The following ABHD2 variants were observed in gnomAD, a reference collection of about 807,000 sequenced individuals.
The protein encoded by ABHD2 is abhydrolase domain containing 2, acylglycerol lipase, also known as monoacylglycerol lipase ABHD2.
A neutral mutation model predicts 48.1 loss-of-function variants in ABHD2; 20 were observed. The ratio of observed to expected loss-of-function variants is 0.42; its 90% CI spans 0.29 to 0.60. The LOEUF (loss-of-function observed/expected upper bound fraction) is 0.60. ABHD2 is among the 20% of genes least tolerant of loss of function. The pLI, the probability that ABHD2 is intolerant of heterozygous loss-of-function variation, is 0.24. For missense variants in ABHD2, 405 were observed against 550.9 expected, an observed-to-expected ratio of 0.74 and a Z score of 2.65; for synonymous variants, 209 against 214.2, an observed-to-expected ratio of 0.98 and a Z score of 0.21.
At chr15:89,061,228 GCCAACATGGTGAAACC>G in the ABHD2 span, among the ~76,000 whole-genome samples, 1 of 152,092 alleles carries the variant, frequency 6.6e-6, no homozygotes, top group African/African-American at 2.4e-5. Context: ...GACCAGCCTG[GCCAACATGGTGAAACC>G]CCATCTCTAC....
chr15:89,161,442 C>T (rs575335021), intron 5 of ABHD2, among the ~76,000 whole-genome samples: 4 of 152,124 alleles, frequency 2.6e-5, no homozygotes, highest in African/African-American at 9.6e-5. Context: ...ACTCTGTTGC[C>T]GAGGCTGGAG....
At chr15:89,110,261 C>T (rs1466941535) in intron 1 of ABHD2, among the ~76,000 whole-genome samples, 1 of 152,080 alleles carries the variant, frequency 6.6e-6, no homozygotes, top group African/African-American at 2.4e-5. Flanking sequence ...GGGGTCTCCC[C>T]ATATTGGCCA....
intron 1 of ABHD2, among the ~76,000 whole-genome samples, chr15:89,096,736 A>C (rs1026267838): frequency 6.6e-6 from 1 of 152,250 alleles, no homozygotes; most frequent in Non-Finnish European, 1.5e-5. Flanking sequence ...AGAGAGTGAC[A>C]AAAGTTACTT....
chr15:89,180,480 C>T (rs1424619763), intron 6 of ABHD2, among the ~76,000 whole-genome samples: 2 of 152,228 alleles, frequency 1.3e-5, no homozygotes, highest in Non-Finnish European at 2.9e-5. Context: ...GTACCAAAAA[C>T]TCTTGGCCCA....
At chr15:89,187,561 G>A (rs1035800091) in intron 7 of ABHD2, among the ~76,000 whole-genome samples, 2 of 152,082 alleles carry the variant, frequency 1.3e-5, no homozygotes, top group Non-Finnish European at 2.9e-5. Context: ...GGTCAAAAAT[G>A]CACGTTGTGA....
rs1178304190 is a variant in ABHD2, at chr15:89,184,429, G to A, written c.723-995G>A. Among the ~76,000 whole-genome samples the A allele has an allele frequency of 1.3e-5, 2 of 152,204 alleles. No homozygotes were observed. The highest frequency in any genetic ancestry group is 4.8e-5 in the African/African-American group (2 of 41,448). On this transcript the variant is annotated intron_variant, in intron 6 of 10. Transcript: ENST00000352732. The surrounding 1 kb of genome is among the most constrained non-coding windows in gnomAD (Gnocchi z 5.1). ...AGTGACGTCCAGATCCATTCACAGG[G>A]TGGAGTCAGGCCTGGAGATTTTGAA... is the stretch of plus-strand genomic sequence containing the variant.
the ABHD2 span, among the ~76,000 whole-genome samples, chr15:89,056,438 C>T: frequency 5.3e-5 from 8 of 152,126 alleles, no homozygotes; most frequent in South Asian, 6.2e-4. Flanking sequence ...GGGCACAGAT[C>T]GAGACCATCC....
the ABHD2 span, among the ~76,000 whole-genome samples, chr15:89,054,639 C>T: frequency 6.6e-6 from 1 of 151,502 alleles, no homozygotes; most frequent in Non-Finnish European, 1.5e-5. Context: ...GAGGTTGTGC[C>T]ACTGTACTCT....
intron 3 of ABHD2, among the ~76,000 whole-genome samples, chr15:89,139,791 A>T (rs16942750): frequency 1.3e-5 from 2 of 151,960 alleles, no homozygotes; most frequent in Admixed American, 1.3e-4. Flanking sequence ...AAGTAAGCAG[A>T]GTGGAGGGCC....
the ABHD2 span, among the ~76,000 whole-genome samples, chr15:89,049,610 C>A: frequency 2.0e-5 from 3 of 152,332 alleles, no homozygotes; most frequent in Admixed American, 2.0e-4. Context: ...TTTTTAAGCC[C>A]GTCGGAAAAG....
At chr15:89,133,575 G>A (rs932756588) in intron 3 of ABHD2, among the ~76,000 whole-genome samples, 1 of 152,024 alleles carries the variant, frequency 6.6e-6, no homozygotes, top group African/African-American at 2.4e-5. Context: ...TTCTCACTGT[G>A]GTTTTAATTA....
chr15:89,192,709 GTTTGT>G (rs2051327335), intron 9 of ABHD2, among the ~76,000 whole-genome samples: 1 of 151,938 alleles, frequency 6.6e-6, no homozygotes, highest in Admixed American at 6.6e-5. Flanking sequence ...TTGTTTTTGT[GTTTGT>G]TTTAACAAAT....
intron 1 of ABHD2, among the ~76,000 whole-genome samples, chr15:89,109,173 G>A (rs1415995800): frequency 1.3e-5 from 2 of 152,174 alleles, no homozygotes; most frequent in African/African-American, 4.8e-5. Context: ...GGGGAGAGCA[G>A]AAAGAGGCAT....
rs190859023 is a variant in ABHD2 at position 89,146,835 on chromosome 15, A to G, written c.195-4842A>G. The stretch of plus-strand genomic sequence containing the variant: ...ATGTTTTTGGATGGGACACATCAGT[A>G]TTGTAAAGGTGTCAATTATCTCCTA... On this transcript the variant is annotated intron_variant, in intron 3 of 10. Coordinates refer to ENST00000352732, the MANE Select transcript of ABHD2 (RefSeq NM_152924.5). This position sits in a 1 kb window ranked among gnomAD's most constrained non-coding sequence, Gnocchi z 4.2. 3.6e-3 allele frequency among the ~76,000 whole-genome samples: 545 copies of G among 152,328 alleles called. 3 individuals carry two copies. The highest frequency in any genetic ancestry group is 0.013 in the African/African-American group (524 of 41,572).
intron 10 of ABHD2, 112 bp downstream of exon 10, chr15:89,193,431 A>C: frequency 1.2e-6 from 1 of 828,462 alleles, no homozygotes; most frequent in Non-Finnish European, 2.1e-6. Flanking sequence ...AGGGAAAGAC[A>C]TCTCATAGCA....
At position 89,176,479 on chromosome 15, in the gene ABHD2, GTC is replaced by G. The variant is rs977253228; in HGVS notation, c.722+488_722+489del. Among the ~76,000 whole-genome samples, 21 of 152,118 alleles carry G rather than the reference GTC, an allele frequency of 1.4e-4. No homozygotes were observed. The highest frequency in any genetic ancestry group is 5.1e-4 in the African/African-American group (21 of 41,416). Reference sequence around the variant, plus strand: ...TCAGTGTCCTCACCTTTAAGTATTTGTCTCTGTCAGGCATCCCAGGCATCATC... The same window carrying G: ...TCAGTGTCCTCACCTTTAAGTATTTGTCTGTCAGGCATCCCAGGCATCATC... On this transcript the variant is annotated intron_variant, in intron 6 of 10. Transcript: ENST00000352732. The surrounding 1 kb of genome is among the most constrained non-coding windows in gnomAD (Gnocchi z 4.5).
chr15:89,048,993 GT>G, the ABHD2 span, among the ~76,000 whole-genome samples: 1 of 151,720 alleles, frequency 6.6e-6, no homozygotes, highest in Admixed American at 6.6e-5. Context: ...TTTCTGCTCT[GT>G]TTTTTCCCCA....
intron 3 of ABHD2, among the ~76,000 whole-genome samples, chr15:89,131,077 A>G (rs769932702): frequency 6.6e-6 from 1 of 152,130 alleles, no homozygotes; most frequent in Non-Finnish European, 1.5e-5. Flanking sequence ...CTTTCCCTCC[A>G]TTCTCTACCC....
intron 4 of ABHD2, among the ~76,000 whole-genome samples, chr15:89,154,358 G>A (rs939126765): frequency 1.3e-5 from 2 of 152,146 alleles, no homozygotes; most frequent in South Asian, 2.1e-4. Flanking sequence ...TTAATTTGAA[G>A]AAAAATTATG....
Sources: gnomAD v4.1 joint callset for allele counts (sites outside exome capture counted in the v4.1 genomes callset) on GRCh38, gnomAD v4.1.1 for gene constraint, Gnocchi (gnomAD v3.1) non-coding constraint, MANE v1.5 for transcripts, NCBI Gene and HGNC (gene_info 2026-07-23, HGNC 2026-07-21) for gene names.